GNB1: variants seen among roughly 807,000 people sequenced by gnomAD.
GNB1 encodes the protein guanine nucleotide-binding protein G(I)/G(S)/G(T) subunit beta-1.
In GNB1, 2 loss-of-function variants were observed where a neutral mutation model predicts 42.9. That is an observed-to-expected ratio of 0.05 (90% CI 0.02 to 0.15). The LOEUF is 0.15. Ranked by LOEUF, GNB1 falls within the 10% of genes least tolerant of loss-of-function variation. The pLI is 1.00. For synonymous variants in GNB1, 183 were observed against 174.7 expected (o/e 1.05, Z -0.38); for missense variants, 193 against 462.2 (o/e 0.42, Z 5.34).
At chr1:1,840,636 T>C (rs1036621462) in intron 1 of GNB1, among the ~76,000 whole-genome samples, 4 of 152,246 alleles carry the variant, frequency 2.6e-5, no homozygotes, top group African/African-American at 4.8e-5. Flanking sequence ...GTGGAGAGCA[T>C]TTCATCTGAA....
At chr1:1,849,224 G>A (rs899944216) in intron 1 of GNB1, among the ~76,000 whole-genome samples, 1 of 152,218 alleles carries the variant, frequency 6.6e-6, no homozygotes, top group African/African-American at 2.4e-5. Flanking sequence ...AGGGCTTGGA[G>A]GATGTGTGCT....
chr1:1,861,831 C>T (rs2101656369), intron 1 of GNB1, among the ~76,000 whole-genome samples: 1 of 152,238 alleles, frequency 6.6e-6, no homozygotes, highest in East Asian at 1.9e-4. Flanking sequence ...AAATGCAAAA[C>T]CTGAATCCCC....
rs538485913 is a variant in GNB1 at position 1,861,563 on chromosome 1, C to T, written c.-95-22325G>A. Among the ~76,000 whole-genome samples, 789 of 151,322 alleles carry T rather than the reference C, an allele frequency of 5.2e-3. 4 individuals carry two copies. Among genetic ancestry groups the T allele is most frequent in the Middle Eastern group, 0.021 (6 of 292 alleles). ...ATTGGCAAGCAGCCTTGAGAACAGA[C>T]ACATCTCAGAGATTTTATATCCTCA... On this transcript the variant is annotated intron_variant, in intron 1 of 11. Coordinates refer to ENST00000378609, the MANE Select transcript of GNB1 (RefSeq NM_002074.5).
At chr1:1,830,607 G>A (rs2101050597) in intron 2 of GNB1, among the ~76,000 whole-genome samples, 1 of 152,086 alleles carries the variant, frequency 6.6e-6, no homozygotes, top group African/African-American at 2.4e-5. Context: ...TGCCCAGGGT[G>A]GAGTGAGTGG....
intron 2 of GNB1, among the ~76,000 whole-genome samples, chr1:1,825,907 C>T (rs956330321): frequency 1.3e-5 from 2 of 151,242 alleles, no homozygotes; most frequent in African/African-American, 2.4e-5. Flanking sequence ...GGTCTCATTA[C>T]AAACCAGAGA....
intron 1 of GNB1, among the ~76,000 whole-genome samples, chr1:1,866,126 G>A (rs1380979120): frequency 6.6e-6 from 1 of 152,142 alleles, no homozygotes; most frequent in Non-Finnish European, 1.5e-5. Context: ...TTAGTAGACA[G>A]ACAGGGTTTC....
intron 2 of GNB1, among the ~76,000 whole-genome samples, chr1:1,837,923 C>T (rs1647174304): frequency 6.6e-6 from 1 of 151,914 alleles, no homozygotes; most frequent in Admixed American, 6.6e-5. Flanking sequence ...AATTGACTAA[C>T]CAGGCGTGGT....
intron 1 of GNB1, among the ~76,000 whole-genome samples, chr1:1,866,859 CAGG>C (rs1191232042): frequency 1.3e-5 from 2 of 152,064 alleles, no homozygotes; most frequent in African/African-American, 2.4e-5. Flanking sequence ...GAGGCTGAGG[CAGG>C]AGAATGGCGT....
At chr1:1,876,642 T>C (rs185366690) in intron 1 of GNB1, among the ~76,000 whole-genome samples, 197 of 152,238 alleles carry the variant, frequency 1.3e-3, no homozygotes, top group Middle Eastern at 3.4e-3. Flanking sequence ...ATAAGTGTCA[T>C]AGGCATAAGC....
intron 1 of GNB1, among the ~76,000 whole-genome samples, chr1:1,874,867 A>G (rs10399762): frequency 0.83 from 126,099 of 151,988 alleles, 54,329 homozygotes; most frequent in Non-Finnish European, 0.95. Flanking sequence ...AGCAGCGGTC[A>G]CCAACCTTTT....
intron 5 of GNB1, among the ~76,000 whole-genome samples, chr1:1,809,068 T>C (rs1009984519): frequency 6.6e-6 from 1 of 152,318 alleles, no homozygotes; most frequent in Admixed American, 6.5e-5. Flanking sequence ...CTAGATGTTT[T>C]GATACAGGTG....
At position 1,846,187 on chromosome 1, in the gene GNB1, C is replaced by T. The variant is rs1647655946; in HGVS notation, c.-95-6949G>A. ...CCTTACTGGATCTAAAAAAAGAACA[C>T]ACAAGCACATGGTAACATATAAATT... On this transcript the variant is annotated intron_variant, in intron 1 of 11. Coordinates refer to ENST00000378609, the MANE Select transcript of GNB1 (RefSeq NM_002074.5). Among the ~76,000 whole-genome samples, 3 of 151,534 alleles carry T rather than the reference C, an allele frequency of 2.0e-5. 1 individual carries two copies. In the South Asian group the frequency reaches 6.3e-4, roughly 32 times the overall value.
chr1:1,795,781 T>C (rs540300124), intron 7 of GNB1, among the ~76,000 whole-genome samples: 2 of 143,212 alleles, frequency 1.4e-5, no homozygotes, highest in East Asian at 4.2e-4. Context: ...ACCTCATAGG[T>C]CTCAAAGATG....
chr1:1,833,230 C>G (rs1384582732), intron 2 of GNB1, among the ~76,000 whole-genome samples: 4 of 152,168 alleles, frequency 2.6e-5, no homozygotes, highest in Non-Finnish European at 5.9e-5. Flanking sequence ...ACCAAACACA[C>G]AAGGATCACA....
chr1:1,800,961 G>C (rs1227503410), intron 7 of GNB1, among the ~76,000 whole-genome samples: 1 of 152,232 alleles, frequency 6.6e-6, no homozygotes, highest in Non-Finnish European at 1.5e-5. Context: ...GCCCGCAGAA[G>C]GCGCCTTTGC....
intron 1 of GNB1, among the ~76,000 whole-genome samples, chr1:1,866,654 TA>T (rs1240284416): frequency 3.6e-5 from 5 of 138,734 alleles, no homozygotes; most frequent in East Asian, 4.4e-4. Context: ...AAAAAATCGC[TA>T]AAAAAAAATC....
rs111790712 is a variant in GNB1 at position 1,856,460 on chromosome 1, G to A, written c.-95-17222C>T. On this transcript the variant is annotated intron_variant, in intron 1 of 11. Transcript: ENST00000378609. ...CTTTCTTTTTTTGAGACAGAGTCTC[G>A]CTCTGTCGCCAGGCTGGAGTGCAGT... Among the ~76,000 whole-genome samples the A allele has an allele frequency of 9.5e-3, 1,432 of 150,904 alleles. 19 individuals are homozygous for A. Among genetic ancestry groups the A allele is most frequent in the African/African-American group, 0.033 (1,369 of 41,068 alleles).
intron 1 of GNB1, among the ~76,000 whole-genome samples, chr1:1,887,559 G>A (rs1650224791): frequency 6.6e-6 from 1 of 152,180 alleles, no homozygotes. Context: ...TTTCTCAAGT[G>A]ATCAACATAA....
intron 7 of GNB1, among the ~76,000 whole-genome samples, chr1:1,803,018 C>A (rs1439711595): frequency 6.6e-6 from 1 of 152,122 alleles, no homozygotes; most frequent in Admixed American, 6.6e-5. Flanking sequence ...TGTAATCTGG[C>A]CAAAATTAAC....
Sources: allele counts gnomAD v4.1 joint callset (sites outside exome capture counted in the v4.1 genomes callset), GRCh38; gene constraint gnomAD v4.1.1; transcripts MANE v1.5; gene names NCBI Gene and HGNC (gene_info 2026-07-23, HGNC 2026-07-21).